Variants in NIBAN1 observed in about 807,000 individuals in gnomAD.
The protein encoded by NIBAN1 is protein Niban 1.
Under a neutral mutation model 75.1 loss-of-function variants are expected in NIBAN1, and 81 were observed. The observed-to-expected ratio is 1.08, with a 90% CI of 0.90 to 1.30. The LOEUF (loss-of-function observed/expected upper bound fraction) is 1.30, where lower values mean the gene tolerates loss of function less well. Ranked by LOEUF, NIBAN1 falls within the 50% of genes most tolerant of loss-of-function variation. NIBAN1 has a pLI of 0.00. For missense variants in NIBAN1, 1,133 were observed against 1,128.1 expected, an observed-to-expected ratio of 1.00 and a Z score of -0.06; for synonymous variants, 436 against 424.8, an observed-to-expected ratio of 1.03 and a Z score of -0.32.
intron 8 of NIBAN1, among the ~76,000 whole-genome samples, chr1:184,822,040 G>A (rs995422457): frequency 6.6e-6 from 1 of 152,174 alleles, no homozygotes; most frequent in Non-Finnish European, 1.5e-5. Context: ...CTGAGCACAG[G>A]AATAGGGTGT....
chr1:184,933,666 A>G (rs1409967522), intron 1 of NIBAN1, among the ~76,000 whole-genome samples: 1 of 152,230 alleles, frequency 6.6e-6, no homozygotes, highest in Non-Finnish European at 1.5e-5. Context: ...CAACTTTTGT[A>G]TCTGCGGCTA....
At chr1:184,947,712 G>A (rs1176511891) in intron 1 of NIBAN1, among the ~76,000 whole-genome samples, 2 of 152,226 alleles carry the variant, frequency 1.3e-5, no homozygotes, top group African/African-American at 4.8e-5. Flanking sequence ...AAGAGGAAGT[G>A]GCAGAGGACT....
chr1:184,909,033 T>C (rs192286649), intron 1 of NIBAN1, among the ~76,000 whole-genome samples: 13 of 152,196 alleles, frequency 8.5e-5, no homozygotes, highest in African/African-American at 3.1e-4. Flanking sequence ...ACTGAAATAA[T>C]GAGATTCCCT....
chr1:184,874,075 T>A (rs1479938266), intron 5 of NIBAN1, among the ~76,000 whole-genome samples: 1 of 152,126 alleles, frequency 6.6e-6, no homozygotes, highest in Admixed American at 6.5e-5. Flanking sequence ...TTAAGGATGT[T>A]GATTAATCTT....
At chr1:184,934,617 C>T (rs1393267105) in intron 1 of NIBAN1, among the ~76,000 whole-genome samples, 1 of 152,122 alleles carries the variant, frequency 6.6e-6, no homozygotes, top group Non-Finnish European at 1.5e-5. Flanking sequence ...AAATAAATGG[C>T]CACTAGCAGT....
intron 9 of NIBAN1, among the ~76,000 whole-genome samples, chr1:184,813,789 G>T (rs1654449652): frequency 6.6e-6 from 1 of 152,166 alleles, no homozygotes; most frequent in East Asian, 1.9e-4. Flanking sequence ...CAGCTTGCTG[G>T]CTTTACAGCT....
chr1:184,846,102 C>G (rs1182549959), intron 5 of NIBAN1, among the ~76,000 whole-genome samples: 16 of 72,506 alleles, frequency 2.2e-4, no homozygotes, highest in African/African-American at 7.9e-4. Flanking sequence ...CCAGGAAGCT[C>G]GAACTGGGTG....
chr1:184,905,563 G>A (rs531917986), intron 1 of NIBAN1, among the ~76,000 whole-genome samples: 1 of 151,970 alleles, frequency 6.6e-6, no homozygotes, highest in African/African-American at 2.4e-5. Context: ...TCTTGCCCCT[G>A]TGCATACATG....
intron 1 of NIBAN1, among the ~76,000 whole-genome samples, chr1:184,901,899 A>G (rs1656965778): frequency 6.6e-6 from 1 of 152,222 alleles, no homozygotes. Flanking sequence ...TAGGTAATTA[A>G]TCTAATAACT....
At chr1:184,862,520 A>T (rs190765044) in intron 5 of NIBAN1, among the ~76,000 whole-genome samples, 110 of 152,254 alleles carry the variant, frequency 7.2e-4, no homozygotes, top group Non-Finnish European at 1.3e-3. Flanking sequence ...TAAAATAATT[A>T]TCTCCATATT....
chr1:184,958,527 T>A (rs755215439), intron 1 of NIBAN1, among the ~76,000 whole-genome samples: 20 of 152,184 alleles, frequency 1.3e-4, no homozygotes, highest in Non-Finnish European at 2.4e-4. Flanking sequence ...CTCCTTTTCA[T>A]TAAAGAAAAA....
intron 1 of NIBAN1, among the ~76,000 whole-genome samples, chr1:184,960,835 G>A (rs1179670306): frequency 1.3e-5 from 2 of 151,992 alleles, no homozygotes; most frequent in Non-Finnish European, 2.9e-5. Flanking sequence ...TCAACATGTT[G>A]ACCAGGCTGG....
At chr1:184,893,865 G>T (rs1656732495) in intron 3 of NIBAN1, among the ~76,000 whole-genome samples, 1 of 152,138 alleles carries the variant, frequency 6.6e-6, no homozygotes, top group Non-Finnish European at 1.5e-5. Flanking sequence ...TATAACACTT[G>T]GTATGCAGTA....
chr1:184,862,432 T>A (rs1033252010), intron 5 of NIBAN1, among the ~76,000 whole-genome samples: 1 of 152,140 alleles, frequency 6.6e-6, no homozygotes, highest in Non-Finnish European at 1.5e-5. Context: ...TCCTCCTGCC[T>A]CAGCTTCGAG....
chr1:184,801,284 C>T (rs1384929776), intron 12 of NIBAN1, among the ~76,000 whole-genome samples: 1 of 152,020 alleles, frequency 6.6e-6, no homozygotes, highest in African/African-American at 2.4e-5. Flanking sequence ...TCCTTTATAC[C>T]CAACCAAGAA....
intron 9 of NIBAN1, among the ~76,000 whole-genome samples, chr1:184,813,636 G>A (rs1340299818): frequency 6.6e-6 from 1 of 152,206 alleles, no homozygotes; most frequent in Non-Finnish European, 1.5e-5. Flanking sequence ...TAAAAAGAGG[G>A]ATGTTTAAGC....
intron 5 of NIBAN1, among the ~76,000 whole-genome samples, chr1:184,837,144 T>A (rs1213496257): frequency 2.0e-5 from 3 of 152,214 alleles, no homozygotes; most frequent in African/African-American, 7.2e-5. Context: ...ATGAACTTCC[T>A]GCCACAGATC....
chr1:184,862,711 C>T (rs1655847889), intron 5 of NIBAN1, among the ~76,000 whole-genome samples: 1 of 152,038 alleles, frequency 6.6e-6, no homozygotes, highest in African/African-American at 2.4e-5. Context: ...TCCATATGCC[C>T]ATCTCAAACA....
At chr1:184,864,060 G>A (rs1020653188) in intron 5 of NIBAN1, among the ~76,000 whole-genome samples, 1 of 152,138 alleles carries the variant, frequency 6.6e-6, no homozygotes, top group Non-Finnish European at 1.5e-5. Flanking sequence ...TCCTTTAGTT[G>A]TCAGGCTCTT....
Sources: gnomAD v4.1 joint callset for allele counts (sites outside exome capture counted in the v4.1 genomes callset) on GRCh38, gnomAD v4.1.1 for gene constraint, MANE v1.5 for transcripts, NCBI Gene and HGNC (gene_info 2026-07-23, HGNC 2026-07-21) for gene names.